RAB28: variants seen among roughly 807,000 people sequenced by gnomAD.
The protein encoded by RAB28 is ras-related protein Rab-28.
RAB28 carries 24 observed loss-of-function variants against 31.7 expected under a neutral mutation model. That is an observed-to-expected ratio of 0.76 (90% CI 0.55 to 1.06). The LOEUF is 1.06. RAB28 is among the 50% of genes least tolerant of loss of function. The pLI is 0.00. For synonymous variants in RAB28, 100 were observed against 90.4 expected, an observed-to-expected ratio of 1.11 and a Z score of -0.60; for missense variants, 254 against 258.5, an observed-to-expected ratio of 0.98 and a Z score of 0.12.
intron 4 of RAB28, among the ~76,000 whole-genome samples, chr4:13,412,629 A>G (rs1712506600): frequency 6.6e-6 from 1 of 152,142 alleles, no homozygotes; most frequent in South Asian, 2.1e-4. Context: ...TAAAAAGTGA[A>G]GAATAATAAT....
At chr4:13,434,367 T>A (rs1713976834) in intron 4 of RAB28, among the ~76,000 whole-genome samples, 1 of 152,162 alleles carries the variant, frequency 6.6e-6, no homozygotes, top group African/African-American at 2.4e-5. Context: ...GGGTTCAATT[T>A]GACAAGATTT....
At chr4:13,428,885 T>A (rs115167732) in intron 4 of RAB28, among the ~76,000 whole-genome samples, 2,322 of 151,294 alleles carry the variant, frequency 0.015, 67 homozygotes, top group African/African-American at 0.053. Context: ...AAAAAATAAA[T>A]GATCATCTAA....
At chr4:13,378,433 C>A (rs1194963024) in intron 5 of RAB28, among the ~76,000 whole-genome samples, 1 of 152,054 alleles carries the variant, frequency 6.6e-6, no homozygotes, top group Non-Finnish European at 1.5e-5. Context: ...TCTGCTGGAA[C>A]TGGAAGAGAA....
At chr4:13,410,483 A>C (rs10022582) in intron 4 of RAB28, among the ~76,000 whole-genome samples, 2,561 of 152,204 alleles carry the variant, frequency 0.017, 70 homozygotes, top group African/African-American at 0.058. Flanking sequence ...TTCAGGAAAA[A>C]ATTTCTAAGG....
intron 3 of RAB28, among the ~76,000 whole-genome samples, chr4:13,470,032 T>C (rs7691714): frequency 0.017 from 2,541 of 152,148 alleles, 76 homozygotes; most frequent in African/African-American, 0.058. Context: ...GCCTACCAAG[T>C]AACAGTCTTG....
At chr4:13,412,829 C>T (rs890352488) in intron 4 of RAB28, among the ~76,000 whole-genome samples, 4 of 151,848 alleles carry the variant, frequency 2.6e-5, no homozygotes, top group African/African-American at 4.8e-5. Context: ...AGCAGAGATA[C>T]AAAAACTCAG....
chr4:13,472,747 C>T (rs1186023627), intron 3 of RAB28, among the ~76,000 whole-genome samples: 1 of 151,884 alleles, frequency 6.6e-6, no homozygotes, highest in Non-Finnish European at 1.5e-5. Flanking sequence ...ATGAATGAAA[C>T]AAGAACTGTG....
At chr4:13,438,667 G>A (rs1714259264) in intron 4 of RAB28, among the ~76,000 whole-genome samples, 1 of 152,036 alleles carries the variant, frequency 6.6e-6, no homozygotes, top group Admixed American at 6.6e-5. Context: ...CCATTCTTCA[G>A]CTAATAGAAA....
At chr4:13,421,486 T>C (rs878868817) in intron 4 of RAB28, among the ~76,000 whole-genome samples, 1 of 152,138 alleles carries the variant, frequency 6.6e-6, no homozygotes, top group Admixed American at 6.5e-5. Flanking sequence ...GGAGGCATCA[T>C]GCTACCTGAC....
chr4:13,412,377 T>C (rs1354596891), intron 4 of RAB28, among the ~76,000 whole-genome samples: 6 of 152,048 alleles, frequency 3.9e-5, no homozygotes, highest in Non-Finnish European at 8.8e-5. Flanking sequence ...GAAGTGGGGA[T>C]CTATACACCG....
At chr4:13,465,802 A>G (rs1715815259) in intron 3 of RAB28, among the ~76,000 whole-genome samples, 1 of 147,358 alleles carries the variant, frequency 6.8e-6, no homozygotes, top group Non-Finnish European at 1.5e-5. Flanking sequence ...TGCAGGCATC[A>G]TACTACTTGA....
chr4:13,391,925 G>A (rs1215939622), intron 4 of RAB28, among the ~76,000 whole-genome samples: 2 of 151,942 alleles, frequency 1.3e-5, no homozygotes, highest in African/African-American at 2.4e-5. Context: ...GGCTGGGGGA[G>A]GGATAGCATT....
At chr4:13,469,779 C>A (rs1716033587) in intron 3 of RAB28, among the ~76,000 whole-genome samples, 1 of 152,000 alleles carries the variant, frequency 6.6e-6, no homozygotes, top group Non-Finnish European at 1.5e-5. Flanking sequence ...GCCTCAAACT[C>A]CTGGACTCAA....
chr4:13,483,427 G>A (rs527281045), intron 1 of RAB28, among the ~76,000 whole-genome samples: 11 of 152,336 alleles, frequency 7.2e-5, no homozygotes, highest in African/African-American at 2.4e-4. Flanking sequence ...AAACAGAGGT[G>A]ATGAACAGGT....
intron 4 of RAB28, among the ~76,000 whole-genome samples, chr4:13,408,531 A>T (rs972721590): frequency 1.3e-5 from 2 of 152,194 alleles, no homozygotes; most frequent in African/African-American, 4.8e-5. Flanking sequence ...GCCTCATAAA[A>T]TGAGTTAAGG....
intron 4 of RAB28, among the ~76,000 whole-genome samples, chr4:13,444,459 T>C (rs1473787681): frequency 1.3e-5 from 2 of 152,208 alleles, no homozygotes; most frequent in African/African-American, 4.8e-5. Flanking sequence ...ATATCTTGGC[T>C]ATAGTGAATA....
At chr4:13,448,364 A>C (rs544719466) in intron 4 of RAB28, among the ~76,000 whole-genome samples, 34 of 152,196 alleles carry the variant, frequency 2.2e-4, no homozygotes, top group Non-Finnish European at 2.6e-4. Flanking sequence ...GCATTTAATA[A>C]ATCTTCTCTA....
At chr4:13,370,077 A>C (rs1728663129) in intron 6 of RAB28, 2 of 1,441,834 alleles carry the variant, frequency 1.4e-6, no homozygotes, top group African/African-American at 2.9e-5. Context: ...CAAAGTAGAA[A>C]AATAAAATTA....
chr4:13,393,769 T>C (rs1448118798), intron 4 of RAB28, among the ~76,000 whole-genome samples: 2 of 151,336 alleles, frequency 1.3e-5, no homozygotes, highest in Non-Finnish European at 1.5e-5. Flanking sequence ...GCAGCTATTT[T>C]TCCTCCTGAA....
Sources: gnomAD v4.1 joint callset for allele counts (sites outside exome capture counted in the v4.1 genomes callset) on GRCh38, gnomAD v4.1.1 for gene constraint, MANE v1.5 for transcripts, NCBI Gene and HGNC (gene_info 2026-07-23, HGNC 2026-07-21) for gene names.